The following SGTA variants were observed in gnomAD, a reference collection of about 807,000 sequenced individuals.
The protein encoded by SGTA is small glutamine-rich tetratricopeptide repeat-containing protein alpha.
Under a neutral mutation model 44.3 loss-of-function variants are expected in SGTA, and 22 were observed. The observed-to-expected ratio is 0.50, with a 90% CI of 0.36 to 0.71. The LOEUF (loss-of-function observed/expected upper bound fraction) is 0.71, where lower values mean the gene tolerates loss of function less well. Ranked by LOEUF, SGTA falls within the 30% of genes least tolerant of loss-of-function variation. SGTA has a pLI of 0.00. For missense variants in SGTA, 341 were observed against 435.9 expected, an observed-to-expected ratio of 0.78 and a Z score of 1.94; for synonymous variants, 174 against 177.6, an observed-to-expected ratio of 0.98 and a Z score of 0.16.
At chr19:2,776,133 C>A (rs532261075) in intron 1 of SGTA, among the ~76,000 whole-genome samples, 1 of 152,216 alleles carries the variant, frequency 6.6e-6, no homozygotes, top group African/African-American at 2.4e-5. Flanking sequence ...CCGCCCCGGC[C>A]AACAGGGTTC....
intron 1 of SGTA, among the ~76,000 whole-genome samples, chr19:2,781,873 GCT>G (rs1045411324): frequency 3.4e-5 from 5 of 146,212 alleles, no homozygotes; most frequent in African/African-American, 5.2e-5. Context: ...ACAGGGTCTC[GCT>G]CTGTCGCCCA....
rs1915044403 is a variant in SGTA, at chr19:2,763,026, C to T, written c.498-382G>A. On this transcript the variant is annotated intron_variant, in intron 6 of 11. Coordinates refer to ENST00000221566, the MANE Select transcript of SGTA (RefSeq NM_003021.4). The surrounding 1 kb of genome is among the most constrained non-coding windows in gnomAD (Gnocchi z 5.8). ...CGGAACCTCTGAGCGACAGACATGT[C>T]TCCCGTCATCCACAAGCAGCCCCTG... 6.6e-6 allele frequency among the ~76,000 whole-genome samples: 1 copy of T among 150,604 alleles called. No homozygotes were observed. The highest frequency in any genetic ancestry group is 6.6e-5 in the Admixed American group (1 of 15,156).
At chr19:2,756,848 G>A (rs1418637337) in intron 11 of SGTA, among the ~76,000 whole-genome samples, 1 of 152,168 alleles carries the variant, frequency 6.6e-6, no homozygotes, top group Admixed American at 6.5e-5. Flanking sequence ...TGCTCACAGT[G>A]AGAAAAGGAC....
intron 9 of SGTA, among the ~76,000 whole-genome samples, chr19:2,758,646 G>A (rs1914898294): frequency 6.6e-6 from 1 of 152,222 alleles, no homozygotes; most frequent in African/African-American, 2.4e-5. Context: ...TTATATCCAA[G>A]AGAAACGAAA....
At chr19:2,771,009 C>T (rs1326759838) in intron 1 of SGTA, among the ~76,000 whole-genome samples, 1 of 152,252 alleles carries the variant, frequency 6.6e-6, no homozygotes, top group Non-Finnish European at 1.5e-5. Flanking sequence ...GTTGTTCGGC[C>T]TGAGCCTCCG....
chr19:2,763,472 G>A lies in SGTA; in HGVS notation c.497+181C>T, dbSNP rs970503834. On this transcript the variant is annotated intron_variant, in intron 6 of 11. Coordinates refer to ENST00000221566, the MANE Select transcript of SGTA (RefSeq NM_003021.4). The surrounding 1 kb of genome is among the most constrained non-coding windows in gnomAD (Gnocchi z 5.8). ...TGGCACCTGATGCGGGGCGTCTGTGGGGCTGAGCCTGTGACCTGTAGGGAC... is the reference window on the plus strand; with the variant it reads ...TGGCACCTGATGCGGGGCGTCTGTGAGGCTGAGCCTGTGACCTGTAGGGAC... Among the ~76,000 whole-genome samples the A allele has an allele frequency of 1.3e-5, 2 of 152,186 alleles. No individual in the cohort carries two copies. The highest frequency in any genetic ancestry group is 4.1e-4 in the South Asian group (2 of 4,824).
intron 8 of SGTA, among the ~76,000 whole-genome samples, chr19:2,760,637 A>C (rs1435129578): frequency 6.6e-6 from 1 of 151,704 alleles, no homozygotes; most frequent in Non-Finnish European, 1.5e-5. Flanking sequence ...GGCCAAGCTG[A>C]GAGGCCCCTT....
At position 2,767,190 on chromosome 19, in the gene SGTA, G is replaced by A. The variant is rs924923390; in HGVS notation, c.238C>T (p.Arg80Ter). The part of the protein sequence containing the change: ...EMPQDLRSPA[R>*]TPPSEEDSAE... ...GAGTCCTCCTCGGAAGGCGGGGTTC[G>A]CGCGGGGCTCCTCAGGTCCTGCGGC... is the stretch of plus-strand genomic sequence containing the variant. The change falls in exon 4 of 12, where the codon CGA becomes TGA. Residue 80 changes from arginine to a stop codon, truncating the protein, a stop_gained. Transcript: ENST00000221566. LOFTEE classifies it high-confidence loss of function. This position sits in a 1 kb window ranked among gnomAD's most constrained non-coding sequence, Gnocchi z 7.3. The A allele has an allele frequency of 1.2e-6, 2 of 1,612,290 alleles. No individual in the cohort carries two copies. Among genetic ancestry groups the A allele is most frequent in the Non-Finnish European group, 1.7e-6 (2 of 1,179,488 alleles).
Position 2,768,951 on chromosome 19 carries a change from T to G in SGTA, c.100+18A>C. 1.3e-6 allele frequency: 2 copies of G among 1,586,664 alleles called. No homozygotes were observed. The highest frequency in any genetic ancestry group is 1.7e-6 in the Non-Finnish European group (2 of 1,155,736). On this transcript the variant is annotated intron_variant, in intron 2 of 11. Coordinates refer to ENST00000221566, the MANE Select transcript of SGTA (RefSeq NM_003021.4). Reference sequence around the variant, plus strand: ...GCCGCTGCCCGGGGAGAGGGGGAAGTGGCAGGCACCCACCTACCTTCCAAG... The same window carrying G: ...GCCGCTGCCCGGGGAGAGGGGGAAGGGGCAGGCACCCACCTACCTTCCAAG...
intron 11 of SGTA, among the ~76,000 whole-genome samples, 164 bp from the exon 12 acceptor site, chr19:2,756,097 C>A (rs906675912): frequency 6.6e-6 from 1 of 152,100 alleles, no homozygotes; most frequent in African/African-American, 2.4e-5. Flanking sequence ...TCCACACACT[C>A]GGGGCCACGT....
intron 5 of SGTA, among the ~76,000 whole-genome samples, chr19:2,764,899 G>A (rs1915097062): frequency 1.3e-5 from 2 of 152,050 alleles, no homozygotes; most frequent in Admixed American, 6.6e-5. Context: ...CTGTAGAGAC[G>A]GGGGTCTTGA....
chr19:2,759,221 CACA>C (rs137972572), intron 9 of SGTA, 33 bp downstream of exon 9: 80 of 1,603,918 alleles, frequency 5.0e-5, no homozygotes, highest in Middle Eastern at 1.7e-4. Flanking sequence ...GAAATTTAAC[CACA>C]ACAAGACCCG....
At position 2,767,581 on chromosome 19, in the gene SGTA, T is replaced by C; in HGVS notation, c.206A>G (p.Lys69Arg). ...GGCTGGGGAAGCATCGAGGCTCACC[T>C]TGCCCGTGGCAGCCGCTTCAAATAT... ...PEIFEAAATG[K>R]EMPQDLRSPA... The change falls in exon 3 of 12, where the codon AAG (lysine) becomes AGG (arginine). Residue 69 changes from lysine to arginine, a missense_variant and splice_region_variant. Lys to Arg is a conservative substitution (Grantham distance 26, BLOSUM62 2). Transcript: ENST00000221566. The surrounding 1 kb of genome is among the most constrained non-coding windows in gnomAD (Gnocchi z 7.3). The C allele has an allele frequency of 6.2e-7, 1 of 1,612,108 alleles. No individual in the cohort carries two copies. The highest frequency in any genetic ancestry group is 8.5e-7 in the Non-Finnish European group (1 of 1,179,068).
intron 1 of SGTA, among the ~76,000 whole-genome samples, chr19:2,774,862 G>A (rs1915408433): frequency 6.6e-6 from 1 of 152,092 alleles, no homozygotes; most frequent in South Asian, 2.1e-4. Context: ...GCGCGCGCAT[G>A]TGTGTGTGTG....
At chr19:2,762,768 C>T (rs917570881) in intron 6 of SGTA, 124 bp from the exon 7 acceptor site, 18 of 1,143,082 alleles carry the variant, frequency 1.6e-5, no homozygotes, top group South Asian at 1.3e-4. Flanking sequence ...ACCCCCTGCC[C>T]GCTGTCAGCT....
In SGTA at chr19:2,765,391, G is replaced by A. The variant is rs188668614; in HGVS notation, c.293-106C>T. ...GGTGTCCACACAGACCCGAGGGGGC[G>A]TCACACTTGGCTCTTCTGGGCAGCC... On this transcript the variant is annotated intron_variant, in intron 4 of 11. Coordinates refer to ENST00000221566, the MANE Select transcript of SGTA (RefSeq NM_003021.4). This position sits in a 1 kb window ranked among gnomAD's most constrained non-coding sequence, Gnocchi z 5.5. 26 of 803,722 alleles carry A rather than the reference G, an allele frequency of 3.2e-5. No individual in the cohort carries two copies. Among genetic ancestry groups the A allele is most frequent in the Admixed American group, 1.7e-4 (8 of 47,912 alleles). The allele number at this position is 803,722 out of a possible 1,614,324, so 49.8% of individuals were successfully genotyped here. A position where few individuals can be genotyped will look rare whatever the true frequency, so the allele number is the denominator to read the frequency against.
intron 2 of SGTA, 83 bp downstream of exon 2, chr19:2,768,886 G>A: frequency 1.0e-6 from 1 of 989,898 alleles, no homozygotes. Flanking sequence ...GGGGGACCAG[G>A]CATCTACACA....
At chr19:2,768,517 G>C (rs953947529) in intron 2 of SGTA, among the ~76,000 whole-genome samples, 1 of 152,204 alleles carries the variant, frequency 6.6e-6, no homozygotes, top group Admixed American at 6.5e-5. Flanking sequence ...TCGCAGAAGC[G>C]CAAGCAAGAC....
intron 1 of SGTA, among the ~76,000 whole-genome samples, chr19:2,779,376 A>C (rs1915519023): frequency 6.6e-6 from 1 of 152,148 alleles, no homozygotes; most frequent in South Asian, 2.1e-4. Context: ...GGGGGACATC[A>C]TCAAACGGTT....
Sources: allele counts gnomAD v4.1 joint callset (sites outside exome capture counted in the v4.1 genomes callset), GRCh38; gene constraint gnomAD v4.1.1; non-coding constraint Gnocchi (gnomAD v3.1); transcripts MANE v1.5; gene names NCBI Gene and HGNC (gene_info 2026-07-23, HGNC 2026-07-21).